The following CDC42SE2 variants were observed in gnomAD, a reference collection of about 807,000 sequenced individuals.
CDC42SE2 encodes CDC42 small effector protein 2.
In CDC42SE2, 3 loss-of-function variants were observed where a neutral mutation model predicts 11.5. That is an observed-to-expected ratio of 0.26 (90% CI 0.12 to 0.67). The LOEUF (loss-of-function observed/expected upper bound fraction) is 0.67, where lower values mean the gene tolerates loss of function less well. CDC42SE2 is among the 30% of genes least tolerant of loss of function. The pLI is 0.80. For missense variants in CDC42SE2, 82 were observed against 106.8 expected (o/e 0.77, Z 1.02); for synonymous variants, 33 against 34.8 (o/e 0.95, Z 0.18).
intron 2 of CDC42SE2, among the ~76,000 whole-genome samples, chr5:131,349,618 CTGTA>C (rs1232280302): frequency 2.6e-5 from 4 of 152,124 alleles, no homozygotes; most frequent in African/African-American, 9.7e-5. Flanking sequence ...CAAGGGTCAA[CTGTA>C]TATGAGTATG....
chr5:131,382,916 T>C (rs534510067), intron 3 of CDC42SE2, among the ~76,000 whole-genome samples: 8 of 152,200 alleles, frequency 5.3e-5, no homozygotes, highest in Non-Finnish European at 1.2e-4. Flanking sequence ...TGTAATAATA[T>C]ATTATTAAGA....
chr5:131,314,099 A>G (rs1415846694), intron 1 of CDC42SE2, among the ~76,000 whole-genome samples: 1 of 152,232 alleles, frequency 6.6e-6, no homozygotes, highest in African/African-American at 2.4e-5. Flanking sequence ...GGGAGAATTG[A>G]CATGTTAACA....
chr5:131,353,648 G>A (rs894909319), intron 2 of CDC42SE2, among the ~76,000 whole-genome samples: 2 of 151,922 alleles, frequency 1.3e-5, no homozygotes, highest in East Asian at 1.9e-4. Flanking sequence ...GCTCATGCCC[G>A]TAATCCCAGC....
chr5:131,325,905 G>T (rs1419466460), intron 2 of CDC42SE2, among the ~76,000 whole-genome samples: 1 of 152,072 alleles, frequency 6.6e-6, no homozygotes, highest in Non-Finnish European at 1.5e-5. Context: ...CCTAATCCTA[G>T]TCTTGGTTCA....
chr5:131,365,928 G>A (rs779573793), intron 3 of CDC42SE2, among the ~76,000 whole-genome samples: 2 of 152,232 alleles, frequency 1.3e-5, no homozygotes, highest in African/African-American at 2.4e-5. Flanking sequence ...CTTGCAGTGA[G>A]TGGAGATTGC....
chr5:131,304,745 C>T (rs1035902549), intron 1 of CDC42SE2, among the ~76,000 whole-genome samples: 1 of 152,060 alleles, frequency 6.6e-6, no homozygotes, highest in African/African-American at 2.4e-5. Context: ...GTTTCTGATC[C>T]TTAGCATTGA....
chr5:131,303,203 C>T (rs1757717792), intron 1 of CDC42SE2, among the ~76,000 whole-genome samples: 1 of 152,070 alleles, frequency 6.6e-6, no homozygotes, highest in Admixed American at 6.6e-5. Flanking sequence ...GTTTCTTTAC[C>T]TTTCTGGGCC....
rs116261212 is a variant in CDC42SE2 at position 131,254,189 on chromosome 5, C to T, written n.108-906C>T. Among the ~76,000 whole-genome samples the T allele has an allele frequency of 4.9e-3, 746 of 152,250 alleles. 4 individuals carry two copies. The highest frequency in any genetic ancestry group is 0.016 in the African/African-American group (682 of 41,520). On this transcript the variant is annotated intron_variant and non_coding_transcript_variant, in intron 1 of 3. Transcript: ENST00000502840. Reference sequence around the variant, plus strand: ...CCTAATGCTATCCCTTCCCCAGCCCCGCACCTCCCCCCAGCAGGCCCTGGG... The same window carrying T: ...CCTAATGCTATCCCTTCCCCAGCCCTGCACCTCCCCCCAGCAGGCCCTGGG...
chr5:131,265,220 A>G (rs1302711198), intron 1 of CDC42SE2, among the ~76,000 whole-genome samples: 4 of 152,210 alleles, frequency 2.6e-5, no homozygotes, highest in South Asian at 2.1e-4. Flanking sequence ...AATATATATC[A>G]AATTTGGATT....
At chr5:131,303,488 C>G (rs1197321297) in intron 1 of CDC42SE2, among the ~76,000 whole-genome samples, 1 of 152,158 alleles carries the variant, frequency 6.6e-6, no homozygotes, top group Non-Finnish European at 1.5e-5. Flanking sequence ...TGTAGTTTAT[C>G]AGCTGAAATT....
chr5:131,311,829 T>C lies in CDC42SE2; in HGVS notation c.-454-4147T>C, dbSNP rs553823243. Among the ~76,000 whole-genome samples the C allele has an allele frequency of 4.1e-3, 629 of 152,330 alleles. 4 individuals carry two copies. The highest frequency in any genetic ancestry group is 0.013 in the African/African-American group (545 of 41,582). On this transcript the variant is annotated intron_variant, in intron 1 of 4. Coordinates refer to ENST00000505065, the MANE Select transcript of CDC42SE2 (RefSeq NM_001375635.1). ...AAGCACTTCTCTGTATTGGTTATTC[T>C]AGTTATACATTCTTCTAAATTTTTT...
intron 1 of CDC42SE2, chr5:131,254,968 T>C (rs1309645758): frequency 2.0e-5 from 3 of 152,212 alleles, no homozygotes; most frequent in African/African-American, 7.2e-5. Flanking sequence ...TGACTCATTA[T>C]AACCAAGAAC....
intron 2 of CDC42SE2, among the ~76,000 whole-genome samples, chr5:131,339,488 A>G (rs929727025): frequency 6.6e-6 from 1 of 152,078 alleles, no homozygotes; most frequent in African/African-American, 2.4e-5. Context: ...TTTGTAAAAG[A>G]GCCAAATAGA....
chr5:131,356,938 G>C (rs555308957), intron 2 of CDC42SE2, among the ~76,000 whole-genome samples: 127 of 152,174 alleles, frequency 8.3e-4, no homozygotes, highest in Admixed American at 3.0e-3. Context: ...TTTCACAAAG[G>C]CTTCTTAATG....
chr5:131,302,207 T>G (rs1467478070), intron 1 of CDC42SE2, among the ~76,000 whole-genome samples: 2 of 151,406 alleles, frequency 1.3e-5, no homozygotes, highest in Admixed American at 1.3e-4. Flanking sequence ...GAGACGGAGT[T>G]TTGCTTTTGT....
Position 131,292,906 on chromosome 5 carries a change from C to CAAAAA in CDC42SE2, c.-454-23046_-454-23042dup, listed in dbSNP as rs869300653. On this transcript the variant is annotated intron_variant, in intron 1 of 4. Coordinates refer to ENST00000505065, the MANE Select transcript of CDC42SE2 (RefSeq NM_001375635.1). ...TGGGTGACAGTGCGAGACCCTGTCT[C>CAAAAA]AAAAAAAAAAAAAAAAAAAAAAAAA... 1.5e-3 allele frequency among the ~76,000 whole-genome samples: 88 copies of CAAAAA among 58,888 alleles called. 1 individual carries two copies. Among genetic ancestry groups the CAAAAA allele is most frequent in the African/African-American group, 8.4e-3 (83 of 9,840 alleles). The allele number at this position is 58,888 out of a possible 152,430, so 38.6% of individuals were successfully genotyped here. A position where few individuals can be genotyped will look rare whatever the true frequency, so the allele number is the denominator to read the frequency against.
At chr5:131,248,828 G>A (rs1756617040) in intron 1 of CDC42SE2, among the ~76,000 whole-genome samples, 1 of 152,058 alleles carries the variant, frequency 6.6e-6, no homozygotes, top group African/African-American at 2.4e-5. Flanking sequence ...TAAATGGAGA[G>A]CTGTACCTGT....
upstream of CDC42SE2, among the ~76,000 whole-genome samples, chr5:131,262,546 G>C (rs1046066414): frequency 1.3e-5 from 2 of 152,046 alleles, no homozygotes; most frequent in African/African-American, 4.8e-5. Flanking sequence ...TTCTACTAGG[G>C]AAGGCAGACA....
the CDC42SE2 span, among the ~76,000 whole-genome samples, chr5:131,230,384 T>G: frequency 1.3e-5 from 2 of 152,182 alleles, no homozygotes; most frequent in Admixed American, 1.3e-4. Context: ...GTAAACCACT[T>G]AAGTATTTCA....
Sources: gnomAD v4.1 joint callset for allele counts (sites outside exome capture counted in the v4.1 genomes callset) on GRCh38, gnomAD v4.1.1 for gene constraint, MANE v1.5 for transcripts, NCBI Gene and HGNC (gene_info 2026-07-23, HGNC 2026-07-21) for gene names.